The following STBD1 variants were observed in gnomAD, a reference collection of about 807,000 sequenced individuals.
STBD1 encodes the protein starch binding domain 1.
In STBD1, 13 loss-of-function variants were observed where a neutral mutation model predicts 10.5. The observed-to-expected ratio is 1.24, with a 90% CI of 0.81 to 1.97. The LOEUF is 1.97. Ranked by LOEUF, STBD1 falls within the 30% of genes most tolerant of loss-of-function variation. The probability of loss-of-function intolerance (pLI) is 0.00; values close to 1 mark genes in which losing one functional copy is unlikely to be tolerated. For synonymous variants in STBD1, 146 were observed against 160.2 expected, an observed-to-expected ratio of 0.91 and a Z score of 0.67; for missense variants, 427 against 435.6, an observed-to-expected ratio of 0.98 and a Z score of 0.17.
intron 1 of STBD1, among the ~76,000 whole-genome samples, chr4:76,308,887 A>G (rs1718858242): frequency 1.3e-5 from 2 of 152,116 alleles, no homozygotes; most frequent in Non-Finnish European, 1.5e-5. Context: ...ACAGCTTACC[A>G]CTTCATTTAC....
intron 1 of STBD1, 40 bp downstream of exon 1, chr4:76,307,029 G>A: frequency 6.5e-7 from 1 of 1,543,494 alleles, no homozygotes; most frequent in South Asian, 1.2e-5. Context: ...ATCTGCCAGA[G>A]CTTTGAGGTT....
intron 1 of STBD1, among the ~76,000 whole-genome samples, chr4:76,308,490 A>C (rs1718845098): frequency 6.6e-6 from 1 of 152,190 alleles, no homozygotes; most frequent in Non-Finnish European, 1.5e-5. Flanking sequence ...GTTTTTTAAA[A>C]AATGCTTACA....
Position 76,306,947 on chromosome 4 carries a change from C to G in STBD1, c.178C>G (p.Leu60Val). ...AGGCCATCAGAGTGGCAGCAGCGGA[C>G]TGAGCCCTGGACCTTCCGGGCAGGA... is the stretch of plus-strand genomic sequence containing the variant. ...PGGHQSGSSG[L>V]SPGPSGQELV... Residue 60 changes from leucine to valine, a missense_variant, in exon 1 of 2, where the codon CTG becomes GTG. Transcript: ENST00000237642. The G allele has an allele frequency of 6.2e-7, 1 of 1,609,698 alleles. No individual in the cohort carries two copies. Among genetic ancestry groups the G allele is most frequent in the Non-Finnish European group, 8.5e-7 (1 of 1,178,830 alleles).
At position 76,309,496 on chromosome 4, in the gene STBD1, T is replaced by C. The variant is rs1254013165; in HGVS notation, c.573T>C (p.Asp191=). 2 of 1,614,244 alleles carry C rather than the reference T, an allele frequency of 1.2e-6. No individual in the cohort carries two copies. Residue 191 remains aspartate, a synonymous_variant, in exon 2 of 2, where the codon GAT becomes GAC. Coordinates refer to ENST00000237642, the MANE Select transcript of STBD1 (RefSeq NM_003943.5). ...CTAAAGAAGAAATGAGCCTCTCTGA[T>C]TTGAACAGTCAGGACCGGGTTGACC... ...NRAKEEMSLS[D]LNSQDRVDHE...
At chr4:76,307,037 G>T (rs753280824) in intron 1 of STBD1, 48 bp downstream of exon 1, 1 of 1,534,144 alleles carries the variant, frequency 6.5e-7, no homozygotes, top group South Asian at 1.2e-5. Flanking sequence ...GAGCTTTGAG[G>T]TTCATCGAGG....
chr4:76,308,183 C>T (rs1209989662), intron 1 of STBD1, among the ~76,000 whole-genome samples: 2 of 150,226 alleles, frequency 1.3e-5, no homozygotes, highest in Admixed American at 6.7e-5. Flanking sequence ...GCAGGAGAAT[C>T]GCTTGAACCC....
At chr4:76,308,060 G>T (rs1718829970) in intron 1 of STBD1, among the ~76,000 whole-genome samples, 1 of 152,088 alleles carries the variant, frequency 6.6e-6, no homozygotes, top group South Asian at 2.1e-4. Context: ...CACAAGGTCA[G>T]GAGTTCGAGA....
chr4:76,310,032 A>G lies in STBD1; in HGVS notation c.*32A>G. 1 of 1,580,668 alleles carries G rather than the reference A, an allele frequency of 6.3e-7. No homozygotes were observed. Among genetic ancestry groups the G allele is most frequent in the Non-Finnish European group, 8.6e-7 (1 of 1,166,190 alleles). The stretch of plus-strand genomic sequence containing the variant: ...TTGCAAAGTAATGGAGAAGCTGTAG[A>G]ACAATGTGGAAGAGGCTGAGGTTGT... On this transcript the variant is annotated 3_prime_UTR_variant, in exon 2 of 2. Coordinates refer to ENST00000237642, the MANE Select transcript of STBD1 (RefSeq NM_003943.5).
intron 1 of STBD1, 148 bp downstream of exon 1, chr4:76,307,137 G>A: frequency 1.2e-6 from 1 of 853,670 alleles, no homozygotes; most frequent in Non-Finnish European, 1.9e-6. Context: ...CCATCCCCAC[G>A]CCCCTCGGTT....
intron 1 of STBD1, among the ~76,000 whole-genome samples, chr4:76,307,902 T>C (rs771987318): frequency 1.3e-5 from 2 of 152,156 alleles, no homozygotes; most frequent in Non-Finnish European, 2.9e-5. Flanking sequence ...CCCGTGTGCC[T>C]TTACTGTGAT....
At chr4:76,307,568 G>A (rs1180853760) in intron 1 of STBD1, among the ~76,000 whole-genome samples, 1 of 152,150 alleles carries the variant, frequency 6.6e-6, no homozygotes, top group African/African-American at 2.4e-5. Context: ...TGAGGCCCTG[G>A]GGATGTGCCT....
In STBD1 at chr4:76,307,004, G is replaced by GT; in HGVS notation, c.220+16dup. ...CACCAAACCAGGTATTCTTCCCCCC[G>GT]TGACTCCAGGGCACATCTGCCAGAG... On this transcript the variant is annotated intron_variant, in intron 1 of 1. Coordinates refer to ENST00000237642, the MANE Select transcript of STBD1 (RefSeq NM_003943.5). The GT allele has an allele frequency of 6.4e-7, 1 of 1,565,480 alleles. No individual in the cohort carries two copies. Among genetic ancestry groups the GT allele is most frequent in the Non-Finnish European group, 8.7e-7 (1 of 1,155,446 alleles).
intron 1 of STBD1, 129 bp downstream of exon 1, chr4:76,307,118 G>A (rs1472376719): frequency 1.0e-6 from 1 of 968,838 alleles, no homozygotes; most frequent in African/African-American, 1.6e-5. Flanking sequence ...CTCTCCTAAG[G>A]GGACTGGGCC....
rs1431203506 is a variant in STBD1, at chr4:76,309,943, A to G, written c.1020A>G (p.Arg340=). Residue 340 remains arginine, a synonymous_variant, in exon 2 of 2, where the codon AGA becomes AGG. Transcript: ENST00000237642. ...GVTRWEECSN[R]FLETGHEDKV... The stretch of plus-strand genomic sequence containing the variant: ...CCCGCTGGGAAGAATGCAGCAATAG[A>G]TTCCTAGAAACTGGCCATGAGGATA... The G allele has an allele frequency of 1.2e-6, 2 of 1,613,976 alleles. No individual in the cohort carries two copies. Among genetic ancestry groups the G allele is most frequent in the South Asian group, 2.2e-5 (2 of 91,068 alleles).
chr4:76,307,685 A>AT (rs1361728194), intron 1 of STBD1, among the ~76,000 whole-genome samples: 12 of 152,176 alleles, frequency 7.9e-5, no homozygotes, highest in Non-Finnish European at 1.6e-4. Flanking sequence ...CCCAACCCTG[A>AT]TGAGTAGAAT....
rs575895952 is a variant in STBD1 at position 76,307,197 on chromosome 4, G to C, written c.220+208G>C. On this transcript the variant is annotated intron_variant, in intron 1 of 1. Transcript: ENST00000237642. Reference sequence around the variant, plus strand: ...GCAGGTTTCTTGTCTGGTCCTCCAAGGGCCGCGCCCTTGCCGAGTCCCTCA... The same window carrying C: ...GCAGGTTTCTTGTCTGGTCCTCCAACGGCCGCGCCCTTGCCGAGTCCCTCA... Among the ~76,000 whole-genome samples, 4 of 152,270 alleles carry C rather than the reference G, an allele frequency of 2.6e-5. No individual in the cohort carries two copies. The South Asian group carries it at 6.2e-4, about 24-fold the overall frequency.
Position 76,309,551 on chromosome 4 carries a change from T to A in STBD1, c.628T>A (p.Ser210Thr). 6.2e-7 allele frequency: 1 copy of A among 1,614,246 alleles called. No individual in the cohort carries two copies. ...GGAGTGGGAAATGGTGCCTAGGCACTCATCTTGGGGGGATGTTGGTGTGGG... is the reference window on the plus strand; with the variant it reads ...GGAGTGGGAAATGGTGCCTAGGCACACATCTTGGGGGGATGTTGGTGTGGG... Reference protein sequence around the residue: ...HEEWEMVPRHSSWGDVGVGGS... With the variant: ...HEEWEMVPRHTSWGDVGVGGS... The change falls in exon 2 of 2, where the codon TCA becomes ACA. Residue 210 changes from serine (S) to threonine (T), a missense_variant. Physicochemically the swap from Ser to Thr is moderately conservative, Grantham distance 58. Coordinates refer to ENST00000237642, the MANE Select transcript of STBD1 (RefSeq NM_003943.5).
chr4:76,311,116 A>T lies in STBD1; in HGVS notation c.*1116A>T, dbSNP rs1165865614. 1 of 152,228 alleles carries T rather than the reference A, an allele frequency of 6.6e-6. No homozygotes were observed. 9.4% of individuals were successfully genotyped at this position (152,228 alleles called of 1,614,324 possible). A position where few individuals can be genotyped will look rare whatever the true frequency, so the allele number is the denominator to read the frequency against. On this transcript the variant is annotated 3_prime_UTR_variant, in exon 2 of 2. Coordinates refer to ENST00000237642, the MANE Select transcript of STBD1 (RefSeq NM_003943.5). ...TAACTGAACAAATAATAAAACCTGA[A>T]TTTTAATATCTTCATTTGATGTCTG...
chr4:76,309,337 T>C lies in STBD1; in HGVS notation c.414T>C (p.Ser138=). ...TSETSNSRSY[S]EVSRNESLES... ...AGACCAGTAACTCTAGGAGTTACTCTGAAGTTTCAAGAAATGAAAGCCTTG... is the reference window on the plus strand; with the variant it reads ...AGACCAGTAACTCTAGGAGTTACTCCGAAGTTTCAAGAAATGAAAGCCTTG... Residue 138 remains serine (S), a synonymous_variant, in exon 2 of 2, where the codon TCT becomes TCC. Coordinates refer to ENST00000237642, the MANE Select transcript of STBD1 (RefSeq NM_003943.5). 3 of 1,612,598 alleles carry C rather than the reference T, an allele frequency of 1.9e-6. No homozygotes were observed. Among genetic ancestry groups the C allele is most frequent in the African/African-American group, 1.3e-5 (1 of 74,904 alleles).
Sources: gnomAD v4.1 joint callset for allele counts (sites outside exome capture counted in the v4.1 genomes callset) on GRCh38, gnomAD v4.1.1 for gene constraint, MANE v1.5 for transcripts, NCBI Gene and HGNC (gene_info 2026-07-23, HGNC 2026-07-21) for gene names.